SLC27A4: variants seen among roughly 807,000 people sequenced by gnomAD.
SLC27A4 encodes the protein solute carrier family 27 member 4.
Under a neutral mutation model 64.4 loss-of-function variants are expected in SLC27A4, and 33 were observed. The ratio of observed to expected loss-of-function variants is 0.51; its 90% confidence interval spans 0.39 to 0.68. The LOEUF (loss-of-function observed/expected upper bound fraction) is 0.68. Among genes scored for constraint, SLC27A4 ranks in the 30% least tolerant of loss-of-function variants. The probability of loss-of-function intolerance (pLI) is 0.00; values close to 1 mark genes in which losing one functional copy is unlikely to be tolerated. For missense variants in SLC27A4, 824 were observed against 883.5 expected, an observed-to-expected ratio of 0.93 and a Z score of 0.85; for synonymous variants, 377 against 370.0, an observed-to-expected ratio of 1.02 and a Z score of -0.22.
chr9:128,355,318 C>T, intron 10 of SLC27A4, 80 bp from the exon 11 acceptor site: 2 of 1,603,726 alleles, frequency 1.2e-6, no homozygotes, highest in Admixed American at 3.4e-5. Context: ...AATCCTTGGG[C>T]TCCAGCAAAG....
In SLC27A4 at chr9:128,345,663, G is replaced by A. The variant is rs1254570924; in HGVS notation, c.556+114G>A. 3 of 1,267,066 alleles carry A rather than the reference G, an allele frequency of 2.4e-6. No homozygotes were observed. The highest frequency in any genetic ancestry group is 1.5e-5 in the South Asian group (1 of 65,384). The allele number at this position is 1,267,066 out of a possible 1,614,324, so 78.5% of individuals were successfully genotyped here. On this transcript the variant is annotated intron_variant, in intron 3 of 12. Transcript: ENST00000300456. The surrounding 1 kb of genome is among the most constrained non-coding windows in gnomAD (Gnocchi z 4.1). Reference sequence around the variant, plus strand: ...GGGTCAGTGGTTAAGGGCACAGAGTGGAGTCAGACAGCTTAGGCAGTGCCA... The same window carrying A: ...GGGTCAGTGGTTAAGGGCACAGAGTAGAGTCAGACAGCTTAGGCAGTGCCA...
intron 2 of SLC27A4, among the ~76,000 whole-genome samples, chr9:128,344,915 G>A (rs142339912): frequency 1.3e-4 from 20 of 152,224 alleles, no homozygotes; most frequent in African/African-American, 4.8e-4. Context: ...AGCAGGCCAC[G>A]GCACCACGAG....
intron 9 of SLC27A4, among the ~76,000 whole-genome samples, chr9:128,354,355 T>A (rs1239992034): frequency 6.6e-6 from 1 of 152,208 alleles, no homozygotes; most frequent in African/African-American, 2.4e-5. Context: ...TCAGCCTCAC[T>A]GTGCCTAAGT....
intron 6 of SLC27A4, among the ~76,000 whole-genome samples, chr9:128,351,730 A>T (rs9695928): frequency 0.26 from 38,744 of 151,920 alleles, 8,695 homozygotes; most frequent in African/African-American, 0.61. Flanking sequence ...ATAAATAAAT[A>T]AATTAATTTA....
In SLC27A4 at chr9:128,352,723, C is replaced by T. The variant is rs73614128; in HGVS notation, c.963C>T (p.Asp321=). Residue 321 remains aspartate, a synonymous_variant, in exon 7 of 13, where the codon GAC becomes GAT. Coordinates refer to ENST00000300456, the MANE Select transcript of SLC27A4 (RefSeq NM_005094.4). Reference sequence around the variant, plus strand: ...AGTTCTCAGCCTCCCGGTTCTGGGACGATTGTATCAAGTACAACTGCACGG... The same window carrying T: ...AGTTCTCAGCCTCCCGGTTCTGGGATGATTGTATCAAGTACAACTGCACGG... ...RKKFSASRFW[D]DCIKYNCTIV... The T allele has an allele frequency of 7.4e-5, 120 of 1,613,796 alleles. No individual in the cohort carries two copies. The highest frequency in any genetic ancestry group is 1.7e-4 in the African/African-American group (13 of 75,042).
intron 12 of SLC27A4, among the ~76,000 whole-genome samples, chr9:128,358,946 A>C (rs1473354753): frequency 1.3e-5 from 2 of 152,186 alleles, no homozygotes; most frequent in Non-Finnish European, 2.9e-5. Flanking sequence ...CAGAACTCCT[A>C]CAACATTGCT....
chr9:128,355,254 C>A, intron 10 of SLC27A4, 64 bp downstream of exon 10: 2 of 1,602,692 alleles, frequency 1.2e-6, no homozygotes, highest in Non-Finnish European at 1.7e-6. Flanking sequence ...CTTCTCCCAC[C>A]TCCAGAGGAC....
chr9:128,360,587 G>A lies in SLC27A4; in HGVS notation c.*96G>A. 7.4e-7 allele frequency: 1 copy of A among 1,360,424 alleles called. No homozygotes were observed. 84.3% of individuals were successfully genotyped at this position (1,360,424 alleles called of 1,614,324 possible). ...GGACAAGGCCAGACCAAAGCAAGCA[G>A]GGCCTGGCACCTCCATCCTGAGGTG... On this transcript the variant is annotated 3_prime_UTR_variant, in exon 13 of 13. Coordinates refer to ENST00000300456, the MANE Select transcript of SLC27A4 (RefSeq NM_005094.4).
At chr9:128,350,255 G>T in intron 4 of SLC27A4, 57 bp from the exon 5 acceptor site, 1 of 1,462,252 alleles carries the variant, frequency 6.8e-7, no homozygotes, top group South Asian at 1.2e-5. Flanking sequence ...CCATTTGTGT[G>T]ACCCTTTGCC....
Position 128,350,320 on chromosome 9 carries a change from TTCTACA to T in SLC27A4, c.731_736del (p.Ile244_Tyr245del). Reference sequence around the variant, plus strand: ...GCGTCTGTTTTCTTTAGATAAACTGTTCTACATCTACACATCCGGCACCACAGGGCT... The same window carrying T: ...GCGTCTGTTTTCTTTAGATAAACTGTTCTACACATCCGGCACCACAGGGCT... On this transcript the variant is annotated inframe_deletion, in exon 5 of 13. Transcript: ENST00000300456. 6.2e-7 allele frequency: 1 copy of T among 1,612,868 alleles called. No homozygotes were observed. The highest frequency in any genetic ancestry group is 8.5e-7 in the Non-Finnish European group (1 of 1,179,978).
rs776872431 is a variant in SLC27A4 at position 128,352,628 on chromosome 9, C to T, written c.878-10C>T. ...TCGCTGACCCTCAGGGGCCATCCCT[C>T]TGCCTCCAGGAAACATCGTGGGAAT... On this transcript the variant is annotated splice_polypyrimidine_tract_variant and intron_variant, in intron 6 of 12. Coordinates refer to ENST00000300456, the MANE Select transcript of SLC27A4 (RefSeq NM_005094.4). 2 of 1,610,678 alleles carry T rather than the reference C, an allele frequency of 1.2e-6. No homozygotes were observed. The highest frequency in any genetic ancestry group is 1.7e-5 in the Admixed American group (1 of 60,008).
chr9:128,342,479 T>C, intron 1 of SLC27A4: 12 of 1,376,312 alleles, frequency 8.7e-6, no homozygotes, highest in Non-Finnish European at 1.0e-5. Flanking sequence ...CAAGTTTAAA[T>C]GACTATGCTG....
Position 128,355,077 on chromosome 9 carries a change from G to A in SLC27A4, c.1349G>A (p.Arg450His), listed in dbSNP as rs749429635. 6.8e-6 allele frequency: 11 copies of A among 1,609,622 alleles called. No individual in the cohort carries two copies. Among genetic ancestry groups the A allele is most frequent in the African/African-American group, 1.3e-5 (1 of 74,652 alleles). Residue 450 changes from arginine (R) to histidine (H), a missense_variant, in exon 10 of 13, where the codon CGC (arginine) becomes CAC (histidine). Coordinates refer to ENST00000300456, the MANE Select transcript of SLC27A4 (RefSeq NM_005094.4). The part of the protein sequence containing the change: ...QPGEPGQLVG[R>H]IIQKDPLRRF... ...GGTGAGCCGGGCCAGCTGGTGGGCC[G>A]CATCATCCAGAAAGACCCCCTGCGC...
chr9:128,355,614 C>T, intron 11 of SLC27A4, 36 bp from the exon 12 acceptor site: 1 of 1,607,524 alleles, frequency 6.2e-7, no homozygotes, highest in Non-Finnish European at 8.5e-7. Context: ...CCCAGGGGCA[C>T]CACCAGCTAC....
At chr9:128,360,227 CCT>C in intron 12 of SLC27A4, 105 bp from the exon 13 acceptor site, 3 of 1,256,922 alleles carry the variant, frequency 2.4e-6, no homozygotes, top group Admixed American at 3.4e-5. Context: ...ACTTCCCTCC[CCT>C]GTTTGTCCTC....
chr9:128,358,566 C>T (rs982910725), intron 12 of SLC27A4, among the ~76,000 whole-genome samples: 3 of 152,222 alleles, frequency 2.0e-5, no homozygotes, highest in African/African-American at 7.2e-5. Context: ...GTCTCAGCGT[C>T]CCCAGTAGCT....
chr9:128,355,771 C>A lies in SLC27A4; in HGVS notation c.1749C>A (p.Arg583=). 1 of 1,613,696 alleles carries A rather than the reference C, an allele frequency of 6.2e-7. No homozygotes were observed. ...LPLYARPIFL[R]LLPELHKTGT... is the part of the protein sequence containing the mutation. ...TGTATGCGCGCCCCATCTTCCTGCGCCTCCTGCCTGAGCTGCACAAAACAG... is the reference window on the plus strand; with the variant it reads ...TGTATGCGCGCCCCATCTTCCTGCGACTCCTGCCTGAGCTGCACAAAACAG... The change falls in exon 12 of 13, where the codon CGC becomes CGA. Residue 583 remains arginine, a synonymous_variant. Coordinates refer to ENST00000300456, the MANE Select transcript of SLC27A4 (RefSeq NM_005094.4).
intron 10 of SLC27A4, 56 bp downstream of exon 10, chr9:128,355,246 T>C: frequency 1.3e-6 from 2 of 1,599,922 alleles, no homozygotes; most frequent in South Asian, 2.2e-5. Flanking sequence ...GAGGGGACCT[T>C]CTCCCACCTC....
At position 128,340,694 on chromosome 9, in the gene SLC27A4, C is replaced by T; in HGVS notation, c.-151C>T. On this transcript the variant is annotated 5_prime_UTR_variant, in exon 1 of 13. Transcript: ENST00000300456. ...CGGCGGGCGGGGCTGGCGGGGCGGC[C>T]GGGCCATGCAGGGCGCAGAGCCGGC... The T allele has an allele frequency of 4.9e-6, 2 of 410,948 alleles. No individual in the cohort carries two copies. Among genetic ancestry groups the T allele is most frequent in the Non-Finnish European group, 4.3e-6 (1 of 230,904 alleles). The allele number at this position is 410,948 out of a possible 1,614,324, so 25.5% of individuals were successfully genotyped here. A position where few individuals can be genotyped will look rare whatever the true frequency, so the allele number is the denominator to read the frequency against.
Sources: allele counts gnomAD v4.1 joint callset (sites outside exome capture counted in the v4.1 genomes callset), GRCh38; gene constraint gnomAD v4.1.1; non-coding constraint Gnocchi (gnomAD v3.1); transcripts MANE v1.5; gene names NCBI Gene and HGNC (gene_info 2026-07-23, HGNC 2026-07-21).